The following PLCH1 variants were observed in gnomAD, a reference collection of about 807,000 sequenced individuals.
PLCH1 encodes the protein 1-phosphatidylinositol 4,5-bisphosphate phosphodiesterase eta-1.
Under a neutral mutation model 126.7 loss-of-function variants are expected in PLCH1, and 60 were observed. That is an observed-to-expected ratio of 0.47 (90% CI 0.38 to 0.59). The LOEUF (loss-of-function observed/expected upper bound fraction) is 0.59. Ranked by LOEUF, PLCH1 falls within the 20% of genes least tolerant of loss-of-function variation. The pLI is 0.00. For synonymous variants in PLCH1, 719 were observed against 734.9 expected (o/e 0.98, Z 0.35); for missense variants, 1,723 against 2,040.0 (o/e 0.84, Z 2.99).
chr3:155,636,936 A>C lies in PLCH1; in HGVS notation c.80-40558T>G, dbSNP rs907969657. Among the ~76,000 whole-genome samples the C allele has an allele frequency of 6.6e-5, 10 of 152,138 alleles. 1 individual carries two copies. The South Asian group carries it at 2.1e-3, about 32-fold the overall frequency. On this transcript the variant is annotated intron_variant, in intron 2 of 22. Transcript: ENST00000460012. ...TTTGTTAAATCTAATAAAACTTTGG[A>C]GCTTATATTTTTTATGTCTCGGTTT...
chr3:155,544,552 A>G (rs1724908977), intron 10 of PLCH1, among the ~76,000 whole-genome samples: 1 of 152,260 alleles, frequency 6.6e-6, no homozygotes, highest in Admixed American at 6.5e-5. Context: ...AGACATCTAC[A>G]GAACTCTCCA....
intron 14 of PLCH1, 75 bp downstream of exon 14, chr3:155,500,628 A>G (rs1025991565): frequency 1.1e-6 from 1 of 881,698 alleles, no homozygotes; most frequent in African/African-American, 1.7e-5. Context: ...AGACATGTAC[A>G]AGAAAAATGA....
Position 155,480,132 on chromosome 3 carries a change from T to A in PLCH1, c.*836A>T, listed in dbSNP as rs1205820783. ...ATTCTGTGAAAGCTTTGGGGAAGTTTTCAATTTGTGCTACTATTATCATTA... is the reference window on the plus strand; with the variant it reads ...ATTCTGTGAAAGCTTTGGGGAAGTTATCAATTTGTGCTACTATTATCATTA... On this transcript the variant is annotated 3_prime_UTR_variant, in exon 23 of 23. Coordinates refer to ENST00000460012, the MANE Select transcript of PLCH1 (RefSeq NM_014996.4). The A allele has an allele frequency of 6.6e-6, 1 of 152,642 alleles. No homozygotes were observed. The highest frequency in any genetic ancestry group is 2.4e-5 in the African/African-American group (1 of 41,452). The allele number at this position is 152,642 out of a possible 1,614,324, so 9.5% of individuals were successfully genotyped here. A position where few individuals can be genotyped will look rare whatever the true frequency, so the allele number is the denominator to read the frequency against.
chr3:155,550,911 C>A (rs1726023569), intron 9 of PLCH1, among the ~76,000 whole-genome samples: 1 of 152,320 alleles, frequency 6.6e-6, no homozygotes, highest in South Asian at 2.1e-4. Context: ...GACCTACCTT[C>A]TCTCCTCATT....
Position 155,596,291 on chromosome 3 carries a change from A to G in PLCH1, c.167T>C (p.Leu56Pro). Residue 56 changes from leucine to proline, a missense_variant, in exon 3 of 23, where the codon CTG becomes CCG. Physicochemically the swap from Leu to Pro is moderately conservative, Grantham distance 98. Transcript: ENST00000460012. ...TCGGAGGCGTGTCCGGTGCTCATCC[A>G]GGTAAAAGAGGCGGACAAGCCCTTT... The part of the protein sequence containing the change: ...GTKGLVRLFY[L>P]DEHRTRLRWR... 1 of 1,613,260 alleles carries G rather than the reference A, an allele frequency of 6.2e-7. No homozygotes were observed. Among genetic ancestry groups the G allele is most frequent in the Non-Finnish European group, 8.5e-7 (1 of 1,179,230 alleles).
chr3:155,631,339 TAC>T (rs199616579), intron 2 of PLCH1, among the ~76,000 whole-genome samples: 2 of 109,556 alleles, frequency 1.8e-5, no homozygotes, highest in Admixed American at 8.7e-5. Context: ...CAAGTTTAAG[TAC>T]ACTGTGTTTA....
chr3:155,534,934 A>G (rs1723155142), intron 10 of PLCH1, among the ~76,000 whole-genome samples: 1 of 152,180 alleles, frequency 6.6e-6, no homozygotes, highest in Non-Finnish European at 1.5e-5. Flanking sequence ...CTTCCTGTTA[A>G]GCCTGTGAAA....
intron 2 of PLCH1, among the ~76,000 whole-genome samples, chr3:155,659,811 T>C (rs1436918787): frequency 1.3e-5 from 2 of 152,038 alleles, no homozygotes; most frequent in Non-Finnish European, 2.9e-5. Flanking sequence ...TTTTTGTAAT[T>C]TTTTTAGAGA....
At chr3:155,610,588 C>A (rs1024235535) in intron 2 of PLCH1, among the ~76,000 whole-genome samples, 1 of 151,942 alleles carries the variant, frequency 6.6e-6, no homozygotes, top group South Asian at 2.1e-4. Context: ...TAATTATCAG[C>A]CAAGAATATT....
In PLCH1 at chr3:155,581,392, G is replaced by T. The variant is rs537081194; in HGVS notation, c.771+2080C>A. 4.6e-5 allele frequency among the ~76,000 whole-genome samples: 7 copies of T among 152,224 alleles called. No individual in the cohort carries two copies. The South Asian group carries it at 1.5e-3, about 32-fold the overall frequency. ...TCGTAACAGCCCCCAAAAAGCAAAT[G>T]ACCCAAATTTCCATCAACTGATGAA... is the stretch of plus-strand genomic sequence containing the variant. On this transcript the variant is annotated intron_variant, in intron 6 of 22. Transcript: ENST00000460012.
intron 18 of PLCH1, among the ~76,000 whole-genome samples, chr3:155,492,157 G>T (rs958712063): frequency 1.3e-5 from 2 of 152,168 alleles, no homozygotes; most frequent in Non-Finnish European, 2.9e-5. Flanking sequence ...GAGAGGAAGG[G>T]CATGAGCATA....
intron 2 of PLCH1, among the ~76,000 whole-genome samples, chr3:155,618,741 G>A (rs1736094772): frequency 6.6e-6 from 1 of 152,114 alleles, no homozygotes; most frequent in Non-Finnish European, 1.5e-5. Flanking sequence ...GACCTCCTGG[G>A]CTCAGGTGAT....
intron 6 of PLCH1, among the ~76,000 whole-genome samples, chr3:155,582,937 C>T (rs1338886271): frequency 6.6e-6 from 1 of 151,846 alleles, no homozygotes; most frequent in African/African-American, 2.4e-5. Flanking sequence ...CTAATCAGGA[C>T]CTAATTTACT....
chr3:155,653,828 G>T (rs922878671), intron 2 of PLCH1, among the ~76,000 whole-genome samples: 10 of 151,826 alleles, frequency 6.6e-5, no homozygotes, highest in African/African-American at 2.4e-4. Context: ...TTTTTTCTCT[G>T]CTGGATTATT....
chr3:155,610,944 C>T (rs1367155001), intron 2 of PLCH1, among the ~76,000 whole-genome samples: 1 of 152,158 alleles, frequency 6.6e-6, no homozygotes, highest in Non-Finnish European at 1.5e-5. Flanking sequence ...AATCCACCAA[C>T]CAAGTATCTG....
intron 9 of PLCH1, among the ~76,000 whole-genome samples, chr3:155,550,820 C>G (rs1489470577): frequency 6.6e-6 from 1 of 152,086 alleles, no homozygotes; most frequent in Admixed American, 6.5e-5. Context: ...ATTTAAATCA[C>G]CTAATATATC....
rs535908017 is a variant in PLCH1 at position 155,537,202 on chromosome 3, C to CAAAAAAAAAAA, written c.1362+12574_1362+12584dup. On this transcript the variant is annotated intron_variant, in intron 10 of 22. Coordinates refer to ENST00000460012, the MANE Select transcript of PLCH1 (RefSeq NM_014996.4). ...CTAGCACTACAAAAAAAAAAAAAAC[C>CAAAAAAAAAAA]AAAAAAAAAAAAAAAAAAAAAAAAA... Among the ~76,000 whole-genome samples, 41 of 10,402 alleles carry CAAAAAAAAAAA rather than the reference C, an allele frequency of 3.9e-3. 1 individual carries two copies. Among genetic ancestry groups the CAAAAAAAAAAA allele is most frequent in the East Asian group, 0.011 (9 of 844 alleles). 6.8% of individuals were successfully genotyped at this position (10,402 alleles called of 152,430 possible).
At chr3:155,523,094 C>A (rs962475616) in intron 11 of PLCH1, among the ~76,000 whole-genome samples, 2 of 152,118 alleles carry the variant, frequency 1.3e-5, no homozygotes, top group African/African-American at 4.8e-5. Context: ...CCCGCCTCAG[C>A]CTCCGGAGTA....
intron 10 of PLCH1, among the ~76,000 whole-genome samples, chr3:155,542,246 C>A (rs566514725): frequency 6.6e-6 from 1 of 152,236 alleles, no homozygotes; most frequent in African/African-American, 2.4e-5. Context: ...CCGCACCTGG[C>A]TCGGAGGGTC....
Sources: gnomAD v4.1 joint callset for allele counts (sites outside exome capture counted in the v4.1 genomes callset) on GRCh38, gnomAD v4.1.1 for gene constraint, MANE v1.5 for transcripts, NCBI Gene and HGNC (gene_info 2026-07-23, HGNC 2026-07-21) for gene names.